Variants in SRGAP1 observed in about 807,000 individuals in gnomAD.
SRGAP1 encodes the protein SLIT-ROBO Rho GTPase-activating protein 1.
A neutral mutation model predicts 121.9 loss-of-function variants in SRGAP1; 43 were observed. The ratio of observed to expected loss-of-function variants is 0.35; its 90% CI spans 0.28 to 0.46. The LOEUF is 0.46. SRGAP1 is among the 20% of genes least tolerant of loss of function. The pLI, the probability that SRGAP1 is intolerant of heterozygous loss-of-function variation, is 1.00. For synonymous variants in SRGAP1, 447 were observed against 485.4 expected (o/e 0.92, Z 1.04); for missense variants, 1,102 against 1,350.9 (o/e 0.82, Z 2.89).
At chr12:63,934,367 T>C (rs1321116301) in intron 1 of SRGAP1, among the ~76,000 whole-genome samples, 2 of 152,154 alleles carry the variant, frequency 1.3e-5, no homozygotes, top group Non-Finnish European at 2.9e-5. Context: ...CCAAGAGAGA[T>C]GGCTTCCCCC....
chr12:64,102,492 A>G (rs1360747124), intron 15 of SRGAP1, among the ~76,000 whole-genome samples: 1 of 152,146 alleles, frequency 6.6e-6, no homozygotes, highest in African/African-American at 2.4e-5. Context: ...CCATCACCAC[A>G]ATCAATTATA....
intron 18 of SRGAP1, 97 bp from the exon 19 acceptor site, chr12:64,125,880 T>G: frequency 8.0e-7 from 1 of 1,248,796 alleles, no homozygotes; most frequent in Non-Finnish European, 1.1e-6. Flanking sequence ...ATTAAAATGG[T>G]CTTGATCATT....
At chr12:63,953,428 G>T (rs1262125071) in intron 1 of SRGAP1, among the ~76,000 whole-genome samples, 3 of 140,482 alleles carry the variant, frequency 2.1e-5, no homozygotes, top group African/African-American at 2.7e-5. Context: ...TTGGTGGTAG[G>T]ATCTCACTCT....
At chr12:63,904,961 CA>C (rs2136310441) in intron 1 of SRGAP1, among the ~76,000 whole-genome samples, 1 of 152,190 alleles carries the variant, frequency 6.6e-6, no homozygotes, top group South Asian at 2.1e-4. Context: ...TACAGAGAAA[CA>C]GAGTGAAAAC....
chr12:63,853,741 A>C (rs1475778311), intron 1 of SRGAP1, among the ~76,000 whole-genome samples: 2 of 152,218 alleles, frequency 1.3e-5, no homozygotes, highest in African/African-American at 4.8e-5. Context: ...TATAGTTAGT[A>C]CTTTCTGTGT....
chr12:64,068,785 A>G (rs1223165226), intron 8 of SRGAP1, among the ~76,000 whole-genome samples: 1 of 151,768 alleles, frequency 6.6e-6, no homozygotes, highest in Non-Finnish European at 1.5e-5. Flanking sequence ...CAAGGCGGGC[A>G]GATCTCTTGA....
intron 11 of SRGAP1, among the ~76,000 whole-genome samples, chr12:64,090,040 T>C (rs997232372): frequency 2.6e-5 from 4 of 152,208 alleles, no homozygotes; most frequent in Admixed American, 2.6e-4. Flanking sequence ...GTGGTGTGTA[T>C]CCTCCTATAA....
At position 64,151,219 on chromosome 12, in the gene SRGAP1, TTA is replaced by T. The variant is rs1446393316; in HGVS notation, c.*8549_*8550del. On this transcript the variant is annotated 3_prime_UTR_variant, in exon 22 of 22. Transcript: ENST00000355086. Reference sequence around the variant, plus strand: ...AGTATATTGTCTTCTAATCCTTACATTATGTTATTTTTAAGCAGAGTCAAACT... The same window carrying T: ...AGTATATTGTCTTCTAATCCTTACATTGTTATTTTTAAGCAGAGTCAAACT... 1 of 152,134 alleles carries T rather than the reference TTA, an allele frequency of 6.6e-6. No homozygotes were observed. The highest frequency in any genetic ancestry group is 1.5e-5 in the Non-Finnish European group (1 of 68,014). 9.4% of individuals were successfully genotyped at this position (152,134 alleles called of 1,614,324 possible).
Position 64,147,435 on chromosome 12 carries a change from TC to T in SRGAP1, c.*4767del, listed in dbSNP as rs2037071329. On this transcript the variant is annotated 3_prime_UTR_variant, in exon 22 of 22. Transcript: ENST00000355086. ...TCCTCCCTGTCCCCCACCTTCCCCA[TC>T]CCCGCCTTCCTGTGCCTCGGTGCTC... 1 of 126,088 alleles carries T rather than the reference TC, an allele frequency of 7.9e-6. No homozygotes were observed. Among genetic ancestry groups the T allele is most frequent in the Non-Finnish European group, 1.6e-5 (1 of 61,710 alleles). 7.8% of individuals were successfully genotyped at this position (126,088 alleles called of 1,614,324 possible). A position where few individuals can be genotyped will look rare whatever the true frequency, so the allele number is the denominator to read the frequency against.
chr12:64,135,558 C>T (rs181261408), intron 21 of SRGAP1, among the ~76,000 whole-genome samples: 37 of 152,208 alleles, frequency 2.4e-4, no homozygotes, highest in Middle Eastern at 3.4e-3. Flanking sequence ...GTATTATGTA[C>T]GGAGTCACTA....
chr12:64,067,041 A>G (rs1054862944), intron 8 of SRGAP1, among the ~76,000 whole-genome samples: 1 of 152,136 alleles, frequency 6.6e-6, no homozygotes, highest in Non-Finnish European at 1.5e-5. Flanking sequence ...AAAGAAAAAA[A>G]AAAGGTCTGG....
rs1490097806 is a variant in SRGAP1, at chr12:64,080,289, C to G, written c.1327C>G (p.Leu443Val). The G allele has an allele frequency of 6.2e-7, 1 of 1,603,748 alleles. No homozygotes were observed. Among genetic ancestry groups the G allele is most frequent in the Admixed American group, 1.7e-5 (1 of 58,660 alleles). ...QETEQFYFMK[L>V]REYLEGSNLI... The stretch of plus-strand genomic sequence containing the variant: ...AAATTATTCTTGCCTTTTGCAGAAA[C>G]TCAGAGAATATTTGGAAGGCAGTAA... Residue 443 changes from leucine (L) to valine (V), a missense_variant, in exon 10 of 22, where the codon CTC (leucine) becomes GTC (valine). Around this residue, in one of 3 missense-constraint regions of SRGAP1, gnomAD observed 747 missense variants for 929.4 expected, o/e 0.80. Coordinates refer to ENST00000355086, the MANE Select transcript of SRGAP1 (RefSeq NM_020762.4).
At chr12:63,991,142 T>C (rs1358625475) in intron 3 of SRGAP1, among the ~76,000 whole-genome samples, 7 of 152,228 alleles carry the variant, frequency 4.6e-5, no homozygotes, top group Admixed American at 6.5e-5. Flanking sequence ...TCATTTTTTA[T>C]GCTTGCAAGA....
intron 1 of SRGAP1, among the ~76,000 whole-genome samples, chr12:63,892,134 T>C (rs749571763): frequency 6.6e-6 from 1 of 152,132 alleles, no homozygotes; most frequent in Non-Finnish European, 1.5e-5. Flanking sequence ...TATATGCACA[T>C]AATTTAAAAA....
Position 64,126,021 on chromosome 12 carries a change from C to T in SRGAP1, c.2269C>T (p.Arg757Trp), listed in dbSNP as rs749937035. The stretch of plus-strand genomic sequence containing the variant: ...AATAGCCAAGTTTGACTATGTTGGG[C>T]GGTCTGCCAGAGAACTATCCTTCAA... ...EAIAKFDYVG[R>W]SARELSFKKG... Residue 757 changes from arginine to tryptophan, a missense_variant, in exon 19 of 22, where the codon CGG (arginine) becomes TGG (tryptophan). Transcript: ENST00000355086. 1.2e-5 allele frequency: 19 copies of T among 1,614,044 alleles called. No individual in the cohort carries two copies. The highest frequency in any genetic ancestry group is 1.5e-5 in the Non-Finnish European group (18 of 1,179,974).
In SRGAP1 at chr12:64,146,819, C is replaced by T. The variant is rs1178923213; in HGVS notation, c.*4147C>T. The T allele has an allele frequency of 9.3e-5, 14 of 150,444 alleles. No homozygotes were observed. Among genetic ancestry groups the T allele is most frequent in the Non-Finnish European group, 1.6e-4 (11 of 67,844 alleles). 9.3% of individuals were successfully genotyped at this position (150,444 alleles called of 1,614,324 possible). A position where few individuals can be genotyped will look rare whatever the true frequency, so the allele number is the denominator to read the frequency against. The stretch of plus-strand genomic sequence containing the variant: ...CAGGCTTGGTGCAGGGTGACTTTGG[C>T]GAAGTTTTGTCAGATCCATAAAGCA... On this transcript the variant is annotated 3_prime_UTR_variant, in exon 22 of 22. Coordinates refer to ENST00000355086, the MANE Select transcript of SRGAP1 (RefSeq NM_020762.4).
In SRGAP1 at chr12:64,128,071, C is replaced by T. The variant is rs779154252; in HGVS notation, c.2751C>T (p.Ser917=). 5.0e-6 allele frequency: 8 copies of T among 1,614,062 alleles called. No individual in the cohort carries two copies. Among genetic ancestry groups the T allele is most frequent in the Non-Finnish European group, 6.8e-6 (8 of 1,180,044 alleles). ...GGAGGCGCAGGCCTGGCCATGGCAG[C>T]CTGACCAACATCAGCCGGCACGACT... The part of the protein sequence containing the change: ...PERRRRPGHG[S]LTNISRHDSL... Residue 917 remains serine, a synonymous_variant, in exon 21 of 22, where the codon AGC becomes AGT. Coordinates refer to ENST00000355086, the MANE Select transcript of SRGAP1 (RefSeq NM_020762.4).
At chr12:63,953,375 G>T (rs1281581346) in intron 1 of SRGAP1, among the ~76,000 whole-genome samples, 1 of 150,062 alleles carries the variant, frequency 6.7e-6, no homozygotes, top group Non-Finnish European at 1.5e-5. Flanking sequence ...TTTTGCACAG[G>T]TCTTCATGTA....
chr12:64,087,086 A>G (rs1012028170), intron 11 of SRGAP1, 60 bp downstream of exon 11: 2 of 1,309,538 alleles, frequency 1.5e-6, no homozygotes, highest in Non-Finnish European at 2.1e-6. Context: ...ACAAGAAGCA[A>G]CCATTTCAAT....
Sources: gnomAD v4.1 joint callset for allele counts (sites outside exome capture counted in the v4.1 genomes callset) on GRCh38, gnomAD v4.1.1 for gene constraint, gnomAD v4.1.1 regional missense constraint, MANE v1.5 for transcripts, NCBI Gene and HGNC (gene_info 2026-07-23, HGNC 2026-07-21) for gene names.